VAV1: variants seen among roughly 807,000 people sequenced by gnomAD.
The protein encoded by VAV1 is vav guanine nucleotide exchange factor 1.
In VAV1, 33 loss-of-function variants were observed where a neutral mutation model predicts 128.1. The observed-to-expected ratio is 0.26, with a 90% CI of 0.20 to 0.34. The LOEUF (loss-of-function observed/expected upper bound fraction) is 0.34. Among genes scored for constraint, VAV1 ranks in the 10% least tolerant of loss-of-function variants. The pLI is 1.00. For missense variants in VAV1, 715 were observed against 1,093.7 expected (o/e 0.65, Z 4.88); for synonymous variants, 394 against 409.8 (o/e 0.96, Z 0.47).
chr19:6,857,042 G>C lies in VAV1; in HGVS notation c.2485-12G>C, dbSNP rs201671381. 1 of 1,613,802 alleles carries C rather than the reference G, an allele frequency of 6.2e-7. No individual in the cohort carries two copies. The highest frequency in any genetic ancestry group is 8.5e-7 in the Non-Finnish European group (1 of 1,179,852). On this transcript the variant is annotated splice_polypyrimidine_tract_variant and intron_variant, in intron 26 of 26. Transcript: ENST00000602142. ...CAGAGGTTGCACTGATGAACTCCTC[G>C]TCTGTTTCCAGGTTGGCTGGTTCCC... is the stretch of plus-strand genomic sequence containing the variant.
At chr19:6,780,023 A>G (rs544138) in intron 1 of VAV1, among the ~76,000 whole-genome samples, 45,890 of 146,630 alleles carry the variant, frequency 0.31, 9,197 homozygotes, top group African/African-American at 0.5. Context: ...AAGCAGGAGA[A>G]TGGCATGAAC....
At chr19:6,840,546 G>A (rs140416583) in intron 21 of VAV1, among the ~76,000 whole-genome samples, 59 of 151,672 alleles carry the variant, frequency 3.9e-4, no homozygotes, top group East Asian at 3.1e-3. Flanking sequence ...TGTTCCTCCC[G>A]CTTCGGCTTC....
Position 6,772,713 on chromosome 19 carries a change from T to C in VAV1, c.-95T>C. ...GGCAAAGAAGAGGAAGTGGTAGCAC[T>C]AGCTGTCGCTCCACAGGCGAGCAGG... On this transcript the variant is annotated 5_prime_UTR_variant, in exon 1 of 27. Transcript: ENST00000602142. The surrounding 1 kb of genome is among the most constrained non-coding windows in gnomAD (Gnocchi z 4.8). The C allele has an allele frequency of 7.5e-7, 1 of 1,337,828 alleles. No homozygotes were observed. The allele number at this position is 1,337,828 out of a possible 1,614,324, so 82.9% of individuals were successfully genotyped here.
intron 13 of VAV1, 100 bp from the exon 14 acceptor site, chr19:6,829,686 G>C: frequency 6.4e-7 from 1 of 1,556,410 alleles, no homozygotes; most frequent in Non-Finnish European, 8.7e-7. Flanking sequence ...CAAGGAGGAG[G>C]AGAAGGGCAG....
rs145204838 is a variant in VAV1, at chr19:6,822,318, G to A, written c.547G>A (p.Val183Met). ...TGAGGACCTCATGCGCTCGGAGCCC[G>A]TGTCCATGCCGGTGCGTGACGTGGA... is the stretch of plus-strand genomic sequence containing the variant. ...IYEDLMRSEP[V>M]SMPPKMTEYD... The change falls in exon 5 of 27, where the codon GTG (valine) becomes ATG (methionine). Residue 183 changes from valine (V) to methionine (M), a missense_variant. This residue lies in a region of VAV1 where 302 missense variants were observed against 477.8 expected (regional missense o/e 0.63). Transcript: ENST00000602142. This position sits in a 1 kb window ranked among gnomAD's most constrained non-coding sequence, Gnocchi z 5.9. 34 of 1,578,344 alleles carry A rather than the reference G, an allele frequency of 2.2e-5. No individual in the cohort carries two copies. Among genetic ancestry groups the A allele is most frequent in the Non-Finnish European group, 2.6e-5 (30 of 1,163,276 alleles).
In VAV1 at chr19:6,773,064, G is replaced by C. The variant is rs540059875; in HGVS notation, c.204+53G>C. The C allele has an allele frequency of 2.5e-6, 4 of 1,604,188 alleles. No individual in the cohort carries two copies. In the African/African-American group the frequency reaches 4.0e-5, roughly 16 times the overall value. The stretch of plus-strand genomic sequence containing the variant: ...AGGGTTGGAGACGGGGGTCCTCCCC[G>C]GGGCTGACAGTCGAGGGGCTGACGT... On this transcript the variant is annotated intron_variant, in intron 1 of 26. Coordinates refer to ENST00000602142, the MANE Select transcript of VAV1 (RefSeq NM_005428.4).
At chr19:6,839,339 G>C (rs1447369345) in intron 21 of VAV1, among the ~76,000 whole-genome samples, 2 of 151,800 alleles carry the variant, frequency 1.3e-5, no homozygotes, top group Non-Finnish European at 2.9e-5. Flanking sequence ...AAAAATTGAG[G>C]TGAAATTTGC....
chr19:6,821,907 G>A (rs769615605), intron 4 of VAV1, 48 bp downstream of exon 4: 2 of 1,610,628 alleles, frequency 1.2e-6, no homozygotes, highest in African/African-American at 2.7e-5. Flanking sequence ...GCACCGTCCT[G>A]GGGGTGGAGG....
Position 6,821,636 on chromosome 19 carries a change from G to T in VAV1, c.336G>T (p.Leu112=). Residue 112 remains leucine, a synonymous_variant, in exon 3 of 27, where the codon CTG becomes CTT. Transcript: ENST00000602142. ...CCCCGTCACAGGTCATCTACACCCTGTCTGCTCTGTCCTGGACCCCGATCG... is the reference window on the plus strand; with the variant it reads ...CCCCGTCACAGGTCATCTACACCCTTTCTGCTCTGTCCTGGACCCCGATCG... ...VQDFGKVIYT[L]SALSWTPIAQ... 6.2e-7 allele frequency: 1 copy of T among 1,614,158 alleles called. No individual in the cohort carries two copies. The highest frequency in any genetic ancestry group is 8.5e-7 in the Non-Finnish European group (1 of 1,180,014).
intron 1 of VAV1, among the ~76,000 whole-genome samples, chr19:6,775,746 CA>C (rs1970605879): frequency 6.6e-6 from 1 of 152,132 alleles, no homozygotes; most frequent in Non-Finnish European, 1.5e-5. Context: ...AGGAAGCTGC[CA>C]CAGGAACAAC....
At chr19:6,811,196 C>T (rs10416534) in intron 1 of VAV1, among the ~76,000 whole-genome samples, 6,083 of 152,082 alleles carry the variant, frequency 0.04, 428 homozygotes, top group African/African-American at 0.14. Context: ...CCACCATGCC[C>T]GGCTAATTTT....
At position 6,800,682 on chromosome 19, in the gene VAV1, C is replaced by T. The variant is rs141269627; in HGVS notation, c.205-20020C>T. Among the ~76,000 whole-genome samples, 320 of 151,874 alleles carry T rather than the reference C, an allele frequency of 2.1e-3. 1 individual carries two copies. The highest frequency in any genetic ancestry group is 7.5e-3 in the African/African-American group (311 of 41,348). On this transcript the variant is annotated intron_variant, in intron 1 of 26. Coordinates refer to ENST00000602142, the MANE Select transcript of VAV1 (RefSeq NM_005428.4). ...GTCTGTTGCCCAGGCTGTGCAGTGGCGTGATCTCGGCTCACTGCCACCTCC... is the reference window on the plus strand; with the variant it reads ...GTCTGTTGCCCAGGCTGTGCAGTGGTGTGATCTCGGCTCACTGCCACCTCC...
chr19:6,833,399 G>C, intron 16 of VAV1, 114 bp downstream of exon 16: 1 of 1,371,430 alleles, frequency 7.3e-7, no homozygotes, highest in South Asian at 1.4e-5. Flanking sequence ...TCCCTACTTT[G>C]ATCTTCTGCT....
chr19:6,834,425 G>C (rs1972168557), intron 19 of VAV1, among the ~76,000 whole-genome samples: 1 of 151,314 alleles, frequency 6.6e-6, no homozygotes, highest in Non-Finnish European at 1.5e-5. Context: ...TGTATTTTTA[G>C]TAAAGACGGG....
intron 1 of VAV1, among the ~76,000 whole-genome samples, chr19:6,819,615 G>T (rs1033576510): frequency 6.6e-6 from 1 of 152,166 alleles, no homozygotes; most frequent in African/African-American, 2.4e-5. Context: ...ATAAATAGAT[G>T]CATGCAATAC....
chr19:6,844,063 C>CTTCTTTTT (rs1972451348), intron 22 of VAV1, among the ~76,000 whole-genome samples: 5 of 21,326 alleles, frequency 2.3e-4, no homozygotes, highest in African/African-American at 3.7e-4. Flanking sequence ...TCTTCTTCTT[C>CTTCTTTTT]TTTTTTTTTT....
At chr19:6,800,573 G>A (rs989074908) in intron 1 of VAV1, among the ~76,000 whole-genome samples, 4 of 151,722 alleles carry the variant, frequency 2.6e-5, no homozygotes, top group Non-Finnish European at 5.9e-5. Context: ...GCGTCCCAAA[G>A]TGCTGGGATT....
In VAV1 at chr19:6,833,573, T is replaced by C. The variant is rs1329887653; in HGVS notation, c.1656T>C (p.Ser552=). Residue 552 remains serine, a synonymous_variant, in exon 17 of 27, where the codon TCT becomes TCC. Transcript: ENST00000602142. ...QGYRCHRCRA[S]AHKECLGRVP... ...ACCGCTGCCATCGGTGCCGGGCATC[T>C]GCACACAAGGAGTGTCTGGGGAGGG... is the stretch of plus-strand genomic sequence containing the variant. 1 of 1,613,006 alleles carries C rather than the reference T, an allele frequency of 6.2e-7. No homozygotes were observed. Among genetic ancestry groups the C allele is most frequent in the South Asian group, 1.1e-5 (1 of 91,004 alleles).
intron 16 of VAV1, 113 bp downstream of exon 16, chr19:6,833,398 T>C: frequency 7.3e-7 from 1 of 1,373,858 alleles, no homozygotes; most frequent in Non-Finnish European, 1.0e-6. Flanking sequence ...GTCCCTACTT[T>C]GATCTTCTGC....
Sources: allele counts gnomAD v4.1 joint callset (sites outside exome capture counted in the v4.1 genomes callset), GRCh38; gene constraint gnomAD v4.1.1; regional missense constraint gnomAD v4.1.1; non-coding constraint Gnocchi (gnomAD v3.1); transcripts MANE v1.5; gene names NCBI Gene and HGNC (gene_info 2026-07-23, HGNC 2026-07-21).